CTTNBP2: variants seen among roughly 807,000 people sequenced by gnomAD.
CTTNBP2 encodes the protein cortactin binding protein 2.
A neutral mutation model predicts 156.9 loss-of-function variants in CTTNBP2; 108 were observed. That is an observed-to-expected ratio of 0.69 (90% CI 0.59 to 0.81). The LOEUF (loss-of-function observed/expected upper bound fraction) is 0.81, where lower values mean the gene tolerates loss of function less well. Ranked by LOEUF, CTTNBP2 falls within the 30% of genes least tolerant of loss-of-function variation. CTTNBP2 has a pLI of 0.00. For synonymous variants in CTTNBP2, 767 were observed against 751.8 expected (o/e 1.02, Z -0.33); for missense variants, 1,924 against 2,035.4 (o/e 0.95, Z 1.05).
At chr7:117,790,010 C>T (rs1208413660) in intron 4 of CTTNBP2, among the ~76,000 whole-genome samples, 1 of 152,138 alleles carries the variant, frequency 6.6e-6, no homozygotes, top group African/African-American at 2.4e-5. Context: ...TGATAATTAG[C>T]AAATATGATG....
chr7:117,795,224 G>T (rs573071110), intron 3 of CTTNBP2, among the ~76,000 whole-genome samples: 1 of 152,208 alleles, frequency 6.6e-6, no homozygotes, highest in South Asian at 2.1e-4. Flanking sequence ...TCTTATTCAC[G>T]TGGGAGCCTT....
rs539670547 is a variant in CTTNBP2 at position 117,732,415 on chromosome 7, C to T, written c.3876+2498G>A. ...CCTTTAATCCCAGCACTTTGGGAGGCCGAGGTGGGTGGATCATGAGGTCAG... is the reference window on the plus strand; with the variant it reads ...CCTTTAATCCCAGCACTTTGGGAGGTCGAGGTGGGTGGATCATGAGGTCAG... On this transcript the variant is annotated intron_variant, in intron 16 of 22. Transcript: ENST00000160373. 5.7e-4 allele frequency among the ~76,000 whole-genome samples: 86 copies of T among 151,938 alleles called. 2 individuals are homozygous for T. In the South Asian group the frequency reaches 0.017, roughly 31 times the overall value.
At chr7:117,741,770 T>A (rs1562965741) in intron 14 of CTTNBP2, among the ~76,000 whole-genome samples, 1 of 152,230 alleles carries the variant, frequency 6.6e-6, no homozygotes. Context: ...GACTCCCTTA[T>A]CAATACCTGT....
At chr7:117,867,943 A>G (rs567545774) in intron 1 of CTTNBP2, among the ~76,000 whole-genome samples, 4 of 152,298 alleles carry the variant, frequency 2.6e-5, no homozygotes, top group African/African-American at 9.6e-5. Context: ...GGATGTAACT[A>G]ATTTTAGCTG....
chr7:117,735,582 C>T (rs984882481), intron 14 of CTTNBP2, among the ~76,000 whole-genome samples, 161 bp from the exon 15 acceptor site: 12 of 152,086 alleles, frequency 7.9e-5, no homozygotes, highest in African/African-American at 2.4e-4. Flanking sequence ...GAAAACTGTT[C>T]GGTATTATTT....
chr7:117,860,787 TAAC>T (rs1803675262), intron 2 of CTTNBP2, among the ~76,000 whole-genome samples: 1 of 152,146 alleles, frequency 6.6e-6, no homozygotes, highest in Admixed American at 6.5e-5. Context: ...AATAAAAAAA[TAAC>T]AATTTTTATA....
At chr7:117,838,489 C>T (rs1369859529) in intron 2 of CTTNBP2, among the ~76,000 whole-genome samples, 3 of 152,004 alleles carry the variant, frequency 2.0e-5, no homozygotes, top group African/African-American at 7.3e-5. Flanking sequence ...CTATTTGTTA[C>T]TATAAAGAAA....
chr7:117,831,579 A>G (rs1801612908), intron 2 of CTTNBP2, among the ~76,000 whole-genome samples: 1 of 152,124 alleles, frequency 6.6e-6, no homozygotes, highest in Non-Finnish European at 1.5e-5. Context: ...TGCTCTTTCT[A>G]AAGTACACAA....
intron 1 of CTTNBP2, 151 bp downstream of exon 1, chr7:117,873,184 C>A: frequency 1.8e-6 from 1 of 564,000 alleles, no homozygotes; most frequent in South Asian, 5.9e-5. Flanking sequence ...TGTGGGCATC[C>A]CGAGGAAGGG....
At chr7:117,779,661 T>A (rs1481805600) in intron 7 of CTTNBP2, among the ~76,000 whole-genome samples, 1 of 151,784 alleles carries the variant, frequency 6.6e-6, no homozygotes, top group Non-Finnish European at 1.5e-5. Context: ...AATAGGAAGT[T>A]TTTTTAAGAA....
intron 21 of CTTNBP2, 152 bp from the exon 22 acceptor site, chr7:117,718,271 C>T (rs537459756): frequency 6.8e-6 from 3 of 443,762 alleles, no homozygotes; most frequent in African/African-American, 2.0e-5. Flanking sequence ...GAAAGAAAGA[C>T]TTCAAGTCTT....
At chr7:117,720,461 C>G (rs767003694) in intron 20 of CTTNBP2, among the ~76,000 whole-genome samples, 17 of 152,044 alleles carry the variant, frequency 1.1e-4, no homozygotes, top group Non-Finnish European at 2.1e-4. Flanking sequence ...TTTGGGAGGC[C>G]TAGGCAGATG....
intron 12 of CTTNBP2, among the ~76,000 whole-genome samples, chr7:117,747,429 T>A (rs1218476816): frequency 6.6e-6 from 1 of 152,182 alleles, no homozygotes; most frequent in Admixed American, 6.5e-5. Flanking sequence ...GAAGAAAAGC[T>A]CTTAGCATAA....
At chr7:117,871,098 A>C (rs1238178531) in intron 1 of CTTNBP2, among the ~76,000 whole-genome samples, 1 of 152,224 alleles carries the variant, frequency 6.6e-6, no homozygotes, top group Non-Finnish European at 1.5e-5. Flanking sequence ...ACCAATTTGA[A>C]AGTCAACAAA....
intron 9 of CTTNBP2, among the ~76,000 whole-genome samples, chr7:117,766,561 C>T (rs753661603): frequency 2.6e-5 from 4 of 152,102 alleles, no homozygotes; most frequent in Non-Finnish European, 5.9e-5. Context: ...GTCTATACTC[C>T]ACACTCATAA....
rs948160993 is a variant in CTTNBP2 at position 117,758,098 on chromosome 7, C to A, written c.3173-128G>T. The A allele has an allele frequency of 2.7e-5, 18 of 662,690 alleles. No homozygotes were observed. In the South Asian group the frequency reaches 3.3e-4, roughly 12 times the overall value. The allele number at this position is 662,690 out of a possible 1,614,324, so 41.1% of individuals were successfully genotyped here. A position where few individuals can be genotyped will look rare whatever the true frequency, so the allele number is the denominator to read the frequency against. ...GAGCTTTAATTGTCAAAGGCATGTA[C>A]GGAACACATATAGGGCCACACAAGG... On this transcript the variant is annotated intron_variant, in intron 10 of 22. Transcript: ENST00000160373.
intron 5 of CTTNBP2, among the ~76,000 whole-genome samples, chr7:117,783,580 G>C (rs1798546000): frequency 6.6e-6 from 1 of 152,060 alleles, no homozygotes; most frequent in Non-Finnish European, 1.5e-5. Context: ...TGGTGATTAT[G>C]AAGAATTCTA....
intron 3 of CTTNBP2, among the ~76,000 whole-genome samples, chr7:117,806,762 T>A (rs1172950524): frequency 1.5e-4 from 23 of 149,984 alleles, no homozygotes; most frequent in South Asian, 4.2e-4. Flanking sequence ...TTTTTTTTTT[T>A]TTTTTTTTTA....
chr7:117,719,132 C>T (rs903310542), intron 21 of CTTNBP2, among the ~76,000 whole-genome samples: 7 of 152,070 alleles, frequency 4.6e-5, no homozygotes, highest in Non-Finnish European at 8.8e-5. Flanking sequence ...ACCCGGGAGG[C>T]GGAGCTTGCA....
Sources: gnomAD v4.1 joint callset for allele counts (sites outside exome capture counted in the v4.1 genomes callset) on GRCh38, gnomAD v4.1.1 for gene constraint, MANE v1.5 for transcripts, NCBI Gene and HGNC (gene_info 2026-07-23, HGNC 2026-07-21) for gene names.